The following SNX29 variants were observed in gnomAD, a reference collection of about 807,000 sequenced individuals.
SNX29 encodes sorting nexin 29.
In SNX29, 78 loss-of-function variants were observed where a neutral mutation model predicts 102.1. The observed-to-expected ratio is 0.76, with a 90% confidence interval of 0.64 to 0.92. The LOEUF is 0.92. SNX29 is among the 40% of genes least tolerant of loss of function. SNX29 has a pLI of 0.00. For synonymous variants in SNX29, 580 were observed against 414.5 expected (o/e 1.40, Z -4.85); for missense variants, 1,280 against 1,061.7 (o/e 1.21, Z -2.86).
chr16:11,998,066 C>T (rs1263393084), intron 1 of SNX29, among the ~76,000 whole-genome samples: 1 of 152,166 alleles, frequency 6.6e-6, no homozygotes, highest in Non-Finnish European at 1.5e-5. Context: ...TTGTTATCAA[C>T]CAGCTGGCCC....
At chr16:12,419,719 G>T in intron 18 of SNX29, among the ~76,000 whole-genome samples, 1 of 152,180 alleles carries the variant, frequency 6.6e-6, no homozygotes, top group East Asian at 1.9e-4. Context: ...TTTCTTCTGA[G>T]GCTGACAACA....
At chr16:12,431,452 T>G (rs576975284) in intron 18 of SNX29, among the ~76,000 whole-genome samples, 50 of 151,714 alleles carry the variant, frequency 3.3e-4, no homozygotes, top group African/African-American at 1.1e-3. Flanking sequence ...TTTTTTGTTT[T>G]TGTTTTTTTG....
In SNX29 at chr16:12,309,510, T is replaced by G. The variant is rs140814601; in HGVS notation, c.1782+31474T>G. Among the ~76,000 whole-genome samples the G allele has an allele frequency of 6.8e-3, 1,032 of 152,204 alleles. 7 individuals are homozygous for G. The highest frequency in any genetic ancestry group is 0.011 in the Non-Finnish European group (725 of 68,008). On this transcript the variant is annotated intron_variant, in intron 15 of 20. Coordinates refer to ENST00000566228, the MANE Select transcript of SNX29 (RefSeq NM_032167.5). The stretch of plus-strand genomic sequence containing the variant: ...TCTTGGTAGCACCCAGCAGAGACAT[T>G]TATTTGTGTCCTGTCTGGCTTCTCC...
intron 20 of SNX29, among the ~76,000 whole-genome samples, chr16:12,539,137 C>T (rs535453907): frequency 2.7e-4 from 41 of 152,286 alleles, no homozygotes; most frequent in African/African-American, 8.7e-4. Flanking sequence ...TTAATTTACA[C>T]AGTGCAATTG....
chr16:12,349,308 A>G (rs1398527502), intron 15 of SNX29, among the ~76,000 whole-genome samples: 1 of 152,256 alleles, frequency 6.6e-6, no homozygotes, highest in Non-Finnish European at 1.5e-5. Context: ...CCAAGGTCAA[A>G]GAGAGCTATG....
At chr16:12,304,581 T>TG (rs1169224138) in intron 15 of SNX29, among the ~76,000 whole-genome samples, 1 of 152,228 alleles carries the variant, frequency 6.6e-6, no homozygotes, top group Non-Finnish European at 1.5e-5. Flanking sequence ...TGAATAGAGA[T>TG]GGGGTTTCAC....
intron 19 of SNX29, among the ~76,000 whole-genome samples, chr16:12,495,185 C>T (rs1381550378): frequency 6.6e-6 from 1 of 152,112 alleles, no homozygotes; most frequent in Non-Finnish European, 1.5e-5. Flanking sequence ...GAGTCTTGCT[C>T]TGTTGCTCAG....
chr16:12,213,912 C>G (rs2077253454), intron 14 of SNX29, among the ~76,000 whole-genome samples: 1 of 152,164 alleles, frequency 6.6e-6, no homozygotes, highest in Admixed American at 6.5e-5. Context: ...GTCCCTGCTG[C>G]TTCTGGTGGC....
At position 12,027,346 on chromosome 16, in the gene SNX29, A is replaced by T; in HGVS notation, c.149A>T (p.Glu50Val). The change falls in exon 4 of 21, where the codon GAA becomes GTA. Residue 50 changes from glutamate to valine, a missense_variant. Glu to Val is a moderately radical substitution (Grantham distance 121, BLOSUM62 -2). Coordinates refer to ENST00000566228, the MANE Select transcript of SNX29 (RefSeq NM_032167.5). ...SRVTCLCAQF[E>V]AVLQHGLKRS... Reference sequence around the variant, plus strand: ...GTCACCTGTCTGTGTGCCCAGTTTGAAGCCGTCCTGCAGCATGGCTTGAAG... The same window carrying T: ...GTCACCTGTCTGTGTGCCCAGTTTGTAGCCGTCCTGCAGCATGGCTTGAAG... 1 of 1,613,980 alleles carries T rather than the reference A, an allele frequency of 6.2e-7. No individual in the cohort carries two copies. The highest frequency in any genetic ancestry group is 8.5e-7 in the Non-Finnish European group (1 of 1,179,952).
At chr16:12,454,336 C>G (rs578055270) in intron 18 of SNX29, among the ~76,000 whole-genome samples, 1 of 152,228 alleles carries the variant, frequency 6.6e-6, no homozygotes, top group Non-Finnish European at 1.5e-5. Context: ...GACTGCCTCC[C>G]TGCAGACTGC....
intron 11 of SNX29, chr16:12,089,675 A>C: frequency 5.3e-6 from 1 of 188,198 alleles, no homozygotes; most frequent in Non-Finnish European, 1.2e-5. Flanking sequence ...AGTGAGTTGG[A>C]GGATGCTGGA....
At chr16:12,111,271 C>T (rs546059842) in intron 11 of SNX29, among the ~76,000 whole-genome samples, 1 of 152,314 alleles carries the variant, frequency 6.6e-6, no homozygotes, top group East Asian at 1.9e-4. Context: ...GCTCACTTCC[C>T]TGCCCAGCAC....
Position 12,572,111 on chromosome 16 carries a change from C to G in SNX29, c.*3482C>G. 3.8e-6 allele frequency: 4 copies of G among 1,049,640 alleles called. No individual in the cohort carries two copies. Among genetic ancestry groups the G allele is most frequent in the Non-Finnish European group, 4.6e-6 (4 of 865,424 alleles). 65.0% of individuals were successfully genotyped at this position (1,049,640 alleles called of 1,614,324 possible). A position where few individuals can be genotyped will look rare whatever the true frequency, so the allele number is the denominator to read the frequency against. On this transcript the variant is annotated 3_prime_UTR_variant, in exon 21 of 21. Coordinates refer to ENST00000566228, the MANE Select transcript of SNX29 (RefSeq NM_032167.5). Reference sequence around the variant, plus strand: ...GGGAGGGATGTGGACTGGGTCTGATCACAGCCCTTGGCCCTGCTTCATACT... The same window carrying G: ...GGGAGGGATGTGGACTGGGTCTGATGACAGCCCTTGGCCCTGCTTCATACT...
At chr16:12,109,436 G>A (rs60185037) in intron 11 of SNX29, among the ~76,000 whole-genome samples, 6,426 of 152,208 alleles carry the variant, frequency 0.042, 177 homozygotes, top group East Asian at 0.18. Context: ...TGATTGCCAA[G>A]CTCTCATGAC....
At chr16:12,274,590 G>A (rs2079188775) in intron 14 of SNX29, among the ~76,000 whole-genome samples, 1 of 150,556 alleles carries the variant, frequency 6.6e-6, no homozygotes, top group East Asian at 2.0e-4. Context: ...AGGACGGAGT[G>A]CAGCTATGCC....
At position 12,043,156 on chromosome 16, in the gene SNX29, T is replaced by C. The variant is rs543762059; in HGVS notation, c.428+79T>C. On this transcript the variant is annotated intron_variant, in intron 5 of 20. Coordinates refer to ENST00000566228, the MANE Select transcript of SNX29 (RefSeq NM_032167.5). ...GGAGTCTGGAATCAGACCACCTGGA[T>C]TTTCATCCTAGTTCCCCGATCTGGG... 6.3e-4 allele frequency: 976 copies of C among 1,550,870 alleles called. 5 individuals are homozygous for C. Among genetic ancestry groups the C allele is most frequent in the South Asian group, 2.2e-3 (192 of 85,902 alleles).
intron 20 of SNX29, among the ~76,000 whole-genome samples, chr16:12,565,476 A>C (rs1038642927): frequency 6.6e-6 from 1 of 152,024 alleles, no homozygotes; most frequent in Non-Finnish European, 1.5e-5. Context: ...TCAAACCATC[A>C]CAGCACCCCT....
chr16:12,566,307 G>C (rs2079004579), intron 20 of SNX29, among the ~76,000 whole-genome samples: 1 of 152,160 alleles, frequency 6.6e-6, no homozygotes, highest in Non-Finnish European at 1.5e-5. Context: ...GTGCCTCCAA[G>C]CTATGTCCTC....
chr16:12,570,349 C>A lies in SNX29; in HGVS notation c.*1720C>A, dbSNP rs189066241. 1,427 of 606,590 alleles carry A rather than the reference C, an allele frequency of 2.4e-3. 4 individuals carry two copies. Among genetic ancestry groups the A allele is most frequent in the Non-Finnish European group, 2.9e-3 (1,341 of 459,396 alleles). 37.6% of individuals were successfully genotyped at this position (606,590 alleles called of 1,614,324 possible). A position where few individuals can be genotyped will look rare whatever the true frequency, so the allele number is the denominator to read the frequency against. ...ACTTGGTCTCCCTCCCACTCACCTG[C>A]CAACATTGCTGCAATACACATGGTT... is the stretch of plus-strand genomic sequence containing the variant. On this transcript the variant is annotated 3_prime_UTR_variant, in exon 21 of 21. Coordinates refer to ENST00000566228, the MANE Select transcript of SNX29 (RefSeq NM_032167.5).
Sources: allele counts gnomAD v4.1 joint callset (sites outside exome capture counted in the v4.1 genomes callset), GRCh38; gene constraint gnomAD v4.1.1; transcripts MANE v1.5; gene names NCBI Gene and HGNC (gene_info 2026-07-23, HGNC 2026-07-21).